ABAT: variants seen among roughly 807,000 people sequenced by gnomAD.
The protein encoded by ABAT is 4-aminobutyrate aminotransferase, mitochondrial.
A neutral mutation model predicts 64.6 loss-of-function variants in ABAT; 45 were observed. That is an observed-to-expected ratio of 0.70 (90% CI 0.55 to 0.89). The LOEUF is 0.89. Among genes scored for constraint, ABAT ranks in the 40% least tolerant of loss-of-function variants. ABAT has a pLI of 0.00. For synonymous variants in ABAT, 297 were observed against 250.5 expected, an observed-to-expected ratio of 1.19 and a Z score of -1.75; for missense variants, 633 against 658.4, an observed-to-expected ratio of 0.96 and a Z score of 0.42.
intron 1 of ABAT, among the ~76,000 whole-genome samples, chr16:8,682,931 G>T (rs1232875092): frequency 6.6e-6 from 1 of 152,152 alleles, no homozygotes; most frequent in Non-Finnish European, 1.5e-5. Flanking sequence ...TTAAGTTTGA[G>T]AAGCGTATTT....
At chr16:8,722,639 C>G in intron 1 of ABAT, 1 of 385,804 alleles carries the variant, frequency 2.6e-6, no homozygotes, top group South Asian at 2.1e-5. Context: ...GGAGGGCCAA[C>G]AACCAGCCTG....
intron 1 of ABAT, among the ~76,000 whole-genome samples, chr16:8,716,628 G>A (rs902873958): frequency 6.6e-6 from 1 of 152,156 alleles, no homozygotes; most frequent in African/African-American, 2.4e-5. Flanking sequence ...AAGGGGCCTC[G>A]AATATTTATT....
At chr16:8,694,704 G>T (rs2057662694) in intron 1 of ABAT, among the ~76,000 whole-genome samples, 1 of 152,168 alleles carries the variant, frequency 6.6e-6, no homozygotes, top group African/African-American at 2.4e-5. Flanking sequence ...TTGTTTTGAG[G>T]TTCTCAGTTG....
At chr16:8,700,778 T>A (rs1671037818) in intron 1 of ABAT, among the ~76,000 whole-genome samples, 1 of 152,096 alleles carries the variant, frequency 6.6e-6, no homozygotes, top group Non-Finnish European at 1.5e-5. Context: ...AAACATTTTT[T>A]TTTTAAATTT....
rs979468284 is a variant in ABAT at position 8,743,824 on chromosome 16, C to A, written c.71-2177C>A. Among the ~76,000 whole-genome samples, 3 of 151,682 alleles carry A rather than the reference C, an allele frequency of 2.0e-5. No individual in the cohort carries two copies. The South Asian group carries it at 6.2e-4, about 31-fold the overall frequency. Reference sequence around the variant, plus strand: ...CCCTAGTTTGGTACAATTATGGCAACCCCAGTAAGAGGAACTAACATTTCC... The same window carrying A: ...CCCTAGTTTGGTACAATTATGGCAAACCCAGTAAGAGGAACTAACATTTCC... On this transcript the variant is annotated intron_variant, in intron 2 of 15. Transcript: ENST00000268251.
At chr16:8,722,808 A>G (rs1187391816) in intron 1 of ABAT, 4 of 1,289,134 alleles carry the variant, frequency 3.1e-6, no homozygotes, top group Non-Finnish European at 4.0e-6. Flanking sequence ...AGGGCCTGGT[A>G]GAATCAAAGA....
intron 1 of ABAT, among the ~76,000 whole-genome samples, chr16:8,724,731 GAAAAAAAAAA>G (rs1567286719): frequency 1.4e-5 from 1 of 73,194 alleles, no homozygotes; most frequent in Non-Finnish European, 2.7e-5. Flanking sequence ...CTTGTCTCAG[GAAAAAAAAAA>G]AAAACAAAAA....
At chr16:8,699,339 C>A (rs1239257543) in intron 1 of ABAT, among the ~76,000 whole-genome samples, 1 of 151,676 alleles carries the variant, frequency 6.6e-6, no homozygotes, top group Non-Finnish European at 1.5e-5. Context: ...TTTAAAGGGC[C>A]TCGGATCACC....
In ABAT at chr16:8,687,918, G is replaced by C. The variant is rs112918763; in HGVS notation, c.-42+13207G>C. ...TGAATGCTCTTTTTTTTTTTTAAGA[G>C]ACAGGGGTCTCACTCTGTTGCTCAA... On this transcript the variant is annotated intron_variant, in intron 1 of 15. Coordinates refer to ENST00000268251, the MANE Select transcript of ABAT (RefSeq NM_020686.6). Among the ~76,000 whole-genome samples the C allele has an allele frequency of 2.3e-3, 347 of 151,016 alleles. 3 individuals carry two copies. The highest frequency in any genetic ancestry group is 8.1e-3 in the African/African-American group (333 of 41,180).
At chr16:8,746,628 G>A (rs751299341) in intron 3 of ABAT, among the ~76,000 whole-genome samples, 2 of 151,414 alleles carry the variant, frequency 1.3e-5, no homozygotes, top group Non-Finnish European at 2.9e-5. Flanking sequence ...TGATCCACCC[G>A]CGTCAACCTC....
chr16:8,737,314 C>CA (rs111407314), intron 2 of ABAT: 18,241 of 150,804 alleles, frequency 0.12, 1,178 homozygotes, highest in South Asian at 0.18. Context: ...CCGTCTCTAC[C>CA]AAAAATACAA....
At chr16:8,722,742 A>T in intron 1 of ABAT, 1 of 1,152,584 alleles carries the variant, frequency 8.7e-7, no homozygotes, top group East Asian at 5.9e-5. Flanking sequence ...CTAACCAGGA[A>T]TCCTTCACCT....
chr16:8,749,676 G>A lies in ABAT; in HGVS notation c.199-746G>A, dbSNP rs553538474. On this transcript the variant is annotated intron_variant, in intron 4 of 15. Transcript: ENST00000268251. ...TTCCCAAAGTGCTGGGATTACAGGC[G>A]TGAGCCACTGCACCCAGCCCTTTTG... Among the ~76,000 whole-genome samples the A allele has an allele frequency of 3.0e-3, 446 of 150,756 alleles. 4 individuals carry two copies. Among genetic ancestry groups the A allele is most frequent in the African/African-American group, 0.01 (424 of 41,046 alleles).
intron 9 of ABAT, among the ~76,000 whole-genome samples, chr16:8,766,934 G>A (rs1355575227): frequency 6.6e-6 from 1 of 151,858 alleles, no homozygotes; most frequent in African/African-American, 2.4e-5. Flanking sequence ...TCTCACCACT[G>A]CACTCCAGCC....
chr16:8,720,316 G>T (rs186629093), intron 1 of ABAT, among the ~76,000 whole-genome samples: 1 of 152,164 alleles, frequency 6.6e-6, no homozygotes, highest in Admixed American at 6.5e-5. Context: ...TAATATATAT[G>T]GCCCAGCCAC....
intron 14 of ABAT, among the ~76,000 whole-genome samples, chr16:8,777,144 G>A (rs182449135): frequency 5.0e-4 from 75 of 151,344 alleles, no homozygotes; most frequent in African/African-American, 1.0e-3. Context: ...CAGGTGATCC[G>A]CTTGCCTCAG....
At chr16:8,737,934 A>AAG (rs2059001893) in intron 2 of ABAT, among the ~76,000 whole-genome samples, 7 of 84,144 alleles carry the variant, frequency 8.3e-5, no homozygotes, top group East Asian at 3.9e-4. Context: ...AAAAAAAAAA[A>AAG]GAAAGGAAAG....
intron 1 of ABAT, among the ~76,000 whole-genome samples, chr16:8,703,267 C>T (rs543350401): frequency 3.3e-5 from 5 of 151,968 alleles, no homozygotes; most frequent in East Asian, 3.9e-4. Flanking sequence ...GAGTTTCGGC[C>T]GACATGGCGA....
At chr16:8,718,329 C>T (rs549219580) in intron 1 of ABAT, among the ~76,000 whole-genome samples, 5 of 152,038 alleles carry the variant, frequency 3.3e-5, no homozygotes, top group Non-Finnish European at 5.9e-5. Context: ...ATATAAAATA[C>T]AATACATAAG....
Sources: gnomAD v4.1 joint callset for allele counts (sites outside exome capture counted in the v4.1 genomes callset) on GRCh38, gnomAD v4.1.1 for gene constraint, MANE v1.5 for transcripts, NCBI Gene and HGNC (gene_info 2026-07-23, HGNC 2026-07-21) for gene names.